The following AGTPBP1 variants were observed in gnomAD, a reference collection of about 807,000 sequenced individuals.
AGTPBP1 encodes the protein cytosolic carboxypeptidase 1.
In AGTPBP1, 70 loss-of-function variants were observed where a neutral mutation model predicts 143.9. The observed-to-expected ratio is 0.49, with a 90% CI of 0.40 to 0.59. The LOEUF is 0.59. AGTPBP1 is among the 20% of genes least tolerant of loss of function. The probability of loss-of-function intolerance (pLI) is 0.00; values close to 1 mark genes in which losing one functional copy is unlikely to be tolerated. For missense variants in AGTPBP1, 1,229 were observed against 1,464.5 expected (o/e 0.84, Z 2.62); for synonymous variants, 463 against 500.2 (o/e 0.93, Z 0.99).
chr9:85,774,177 T>G, the AGTPBP1 span: 1 of 649,976 alleles, frequency 1.5e-6, no homozygotes, highest in Non-Finnish European at 2.8e-6. Flanking sequence ...TTTACATGTT[T>G]TGGTTGCCGC....
chr9:85,667,625 C>A (rs1477173076), intron 8 of AGTPBP1, among the ~76,000 whole-genome samples: 1 of 151,874 alleles, frequency 6.6e-6, no homozygotes, highest in African/African-American at 2.4e-5. Flanking sequence ...ATATTTTTGA[C>A]CAGAAAAAAC....
intron 1 of AGTPBP1, among the ~76,000 whole-genome samples, chr9:85,718,673 A>G (rs1241636933): frequency 6.6e-6 from 1 of 152,134 alleles, no homozygotes; most frequent in Non-Finnish European, 1.5e-5. Context: ...CTTTAGTTTA[A>G]TTAGATCCCA....
intron 6 of AGTPBP1, among the ~76,000 whole-genome samples, chr9:85,674,418 A>G (rs987682779): frequency 4.6e-5 from 7 of 152,098 alleles, no homozygotes; most frequent in African/African-American, 1.7e-4. Flanking sequence ...TTTAAAATCA[A>G]TATCTTAATT....
intron 24 of AGTPBP1, among the ~76,000 whole-genome samples, 161 bp from the exon 25 acceptor site, chr9:85,575,636 T>C (rs1175378900): frequency 6.6e-6 from 1 of 152,158 alleles, no homozygotes; most frequent in African/African-American, 2.4e-5. Context: ...ATCTTAACAA[T>C]ACAAGATTAT....
At chr9:85,684,907 T>C (rs1205488161) in intron 3 of AGTPBP1, among the ~76,000 whole-genome samples, 1 of 150,960 alleles carries the variant, frequency 6.6e-6, no homozygotes, top group Admixed American at 6.6e-5. Context: ...ACACAATGAA[T>C]GAAAAGATGG....
In AGTPBP1 at chr9:85,660,854, T is replaced by C. The variant is rs959297987; in HGVS notation, c.700+82A>G. The C allele has an allele frequency of 4.6e-6, 5 of 1,091,182 alleles. No individual in the cohort carries two copies. In the Middle Eastern group the frequency reaches 7.6e-4, roughly 167 times the overall value. 67.6% of individuals were successfully genotyped at this position (1,091,182 alleles called of 1,614,324 possible). ...ACCAGCTTTATAACTATAGTCTAAA[T>C]CTACATTTCCAGTTTCTTTAACATA... is the stretch of plus-strand genomic sequence containing the variant. On this transcript the variant is annotated intron_variant, in intron 9 of 25. Coordinates refer to ENST00000357081, the MANE Select transcript of AGTPBP1 (RefSeq NM_001330701.2).
At chr9:85,613,610 C>T (rs1340736566) in intron 17 of AGTPBP1, among the ~76,000 whole-genome samples, 1 of 151,888 alleles carries the variant, frequency 6.6e-6, no homozygotes, top group South Asian at 2.1e-4. Flanking sequence ...TGAAAAAGTC[C>T]AAAAGCACCC....
At chr9:85,707,060 G>C (rs1837061916) in intron 2 of AGTPBP1, among the ~76,000 whole-genome samples, 1 of 152,018 alleles carries the variant, frequency 6.6e-6, no homozygotes. Flanking sequence ...TACTAATCAA[G>C]TCAACTATGG....
At chr9:85,556,016 A>C (rs1325512616) in intron 25 of AGTPBP1, among the ~76,000 whole-genome samples, 1 of 152,206 alleles carries the variant, frequency 6.6e-6, no homozygotes, top group Non-Finnish European at 1.5e-5. Context: ...AGGATCAGAA[A>C]AAAATAACTA....
At chr9:85,606,911 G>C (rs2133384729) in intron 17 of AGTPBP1, among the ~76,000 whole-genome samples, 1 of 152,022 alleles carries the variant, frequency 6.6e-6, no homozygotes, top group South Asian at 2.1e-4. Context: ...GTGTGTGGGA[G>C]GGATAAGGGG....
intron 25 of AGTPBP1, among the ~76,000 whole-genome samples, chr9:85,552,120 A>C (rs10780728): frequency 0.29 from 44,337 of 152,054 alleles, 10,016 homozygotes; most frequent in African/African-American, 0.62. Context: ...AAGAAAACAG[A>C]ATTTTAGTCC....
intron 24 of AGTPBP1, among the ~76,000 whole-genome samples, chr9:85,576,712 G>C (rs1368396900): frequency 6.6e-6 from 1 of 152,188 alleles, no homozygotes; most frequent in African/African-American, 2.4e-5. Flanking sequence ...TGTTAAGTGT[G>C]TGTGGAGAGG....
intron 20 of AGTPBP1, 117 bp from the exon 21 acceptor site, chr9:85,588,595 G>A: frequency 9.8e-7 from 1 of 1,021,386 alleles, no homozygotes; most frequent in South Asian, 1.6e-5. Context: ...TAAATTAATA[G>A]AACCCAATGG....
chr9:85,787,228 G>A, the AGTPBP1 span, among the ~76,000 whole-genome samples: 1 of 152,038 alleles, frequency 6.6e-6, no homozygotes, highest in African/African-American at 2.4e-5. Flanking sequence ...TGCAATATAA[G>A]TTTTCATGTC....
chr9:85,586,007 T>C (rs1828578805), intron 22 of AGTPBP1, among the ~76,000 whole-genome samples: 1 of 152,054 alleles, frequency 6.6e-6, no homozygotes. Flanking sequence ...GAGGCCAGCA[T>C]TTCGACGCCA....
In AGTPBP1 at chr9:85,618,962, TG is replaced by T. The variant is rs777115460; in HGVS notation, c.2335+20del. 3 of 1,592,074 alleles carry T rather than the reference TG, an allele frequency of 1.9e-6. 1 individual carries two copies. In the South Asian group the frequency reaches 3.5e-5, roughly 18 times the overall value. ...TAAGATGCCTGCATGCCATTTCAAT[TG>T]GGAAAGAAAACTGTCTTACCATAAT... On this transcript the variant is annotated intron_variant, in intron 17 of 25. Transcript: ENST00000357081.
In AGTPBP1 at chr9:85,586,838, AAAC is replaced by A; in HGVS notation, c.3023_3025del (p.Arg1008del). ...ACAAGTATTGCTACTTACCAAGGGT[AAAC>A]GCTTCACTGCAGCCAAGTATTGCAA... On this transcript the variant is annotated inframe_deletion, in exon 22 of 26. Coordinates refer to ENST00000357081, the MANE Select transcript of AGTPBP1 (RefSeq NM_001330701.2). 6.2e-7 allele frequency: 1 copy of A among 1,613,704 alleles called. No individual in the cohort carries two copies. Among genetic ancestry groups the A allele is most frequent in the Non-Finnish European group, 8.5e-7 (1 of 1,179,722 alleles).
In AGTPBP1 at chr9:85,657,468, G is replaced by A. The variant is rs141364811; in HGVS notation, c.876C>T (p.Ala292=). The A allele has an allele frequency of 3.7e-6, 6 of 1,613,326 alleles. No individual in the cohort carries two copies. The highest frequency in any genetic ancestry group is 5.1e-6 in the Non-Finnish European group (6 of 1,179,776). ...TATTATACAGAATTTTCATCCCATT[G>A]GCATCAATAAATGCTTTTCTTCCCA... ...IKLGRKAFID[A]NGMKILYNTS... Residue 292 remains alanine (A), a synonymous_variant, in exon 10 of 26, where the codon GCC becomes GCT. Transcript: ENST00000357081.
the AGTPBP1 span, among the ~76,000 whole-genome samples, chr9:85,762,815 A>AT: frequency 3.0e-3 from 440 of 148,168 alleles, no homozygotes; most frequent in South Asian, 6.7e-3. Flanking sequence ...ATATATATGT[A>AT]AAACTTTATA....
Sources: allele counts gnomAD v4.1 joint callset (sites outside exome capture counted in the v4.1 genomes callset), GRCh38; gene constraint gnomAD v4.1.1; transcripts MANE v1.5; gene names NCBI Gene and HGNC (gene_info 2026-07-23, HGNC 2026-07-21).